The following KIAA0753 variants were observed in gnomAD, a reference collection of about 807,000 sequenced individuals.
KIAA0753 encodes the protein protein moonraker.
KIAA0753 carries 114 observed loss-of-function variants against 116.9 expected under a neutral mutation model. The ratio of observed to expected loss-of-function variants is 0.98; its 90% CI spans 0.84 to 1.14. The LOEUF is 1.14. KIAA0753 is among the 50% of genes most tolerant of loss of function. KIAA0753 has a pLI of 0.00. For missense variants in KIAA0753, 1,156 were observed against 1,172.4 expected, an observed-to-expected ratio of 0.99 and a Z score of 0.20; for synonymous variants, 405 against 413.1, an observed-to-expected ratio of 0.98 and a Z score of 0.24.
At chr17:6,587,169 T>C (rs1254370483) in intron 18 of KIAA0753, among the ~76,000 whole-genome samples, 1 of 151,850 alleles carries the variant, frequency 6.6e-6, no homozygotes, top group Admixed American at 6.6e-5. Context: ...GAGGCGGAGG[T>C]TGCAGTGAGC....
chr17:6,584,296 C>T (rs1459042128), intron 18 of KIAA0753, among the ~76,000 whole-genome samples: 1 of 152,230 alleles, frequency 6.6e-6, no homozygotes, highest in Non-Finnish European at 1.5e-5. Context: ...AGTTATTCTT[C>T]ATTACCTAGT....
At chr17:6,638,631 G>A in intron 1 of KIAA0753, 1 of 153,686 alleles carries the variant, frequency 6.5e-6, no homozygotes, top group Non-Finnish European at 1.4e-5. Flanking sequence ...TTTCCCACGG[G>A]CTCAGAACAT....
chr17:6,623,612 C>T (rs1402786974), intron 4 of KIAA0753, 41 bp from the exon 5 acceptor site: 2 of 1,582,048 alleles, frequency 1.3e-6, no homozygotes, highest in East Asian at 2.3e-5. Flanking sequence ...CATACCTTTC[C>T]ATTGATCTTT....
At chr17:6,599,211 G>A (rs1208493329) in intron 14 of KIAA0753, 26 bp downstream of exon 14, 1 of 1,532,700 alleles carries the variant, frequency 6.5e-7, no homozygotes, top group South Asian at 1.1e-5. Flanking sequence ...AATAATACCA[G>A]AATGCCAATA....
intron 16 of KIAA0753, among the ~76,000 whole-genome samples, chr17:6,591,040 G>GGAAGAAGAAGAAGAAGAA (rs71157205): frequency 7.0e-5 from 7 of 100,056 alleles, no homozygotes; most frequent in South Asian, 6.9e-4. Flanking sequence ...GAAGGAAGAA[G>GGAAGAAGAAGAAGAAGAA]GAAGAAGAAG....
At chr17:6,600,245 T>G (rs1969773884) in intron 13 of KIAA0753, 135 bp downstream of exon 13, 2 of 686,754 alleles carry the variant, frequency 2.9e-6, no homozygotes, top group South Asian at 1.7e-5. Context: ...CAGTAGTGTG[T>G]GGTGGTCTGG....
At position 6,612,038 on chromosome 17, in the gene KIAA0753, T is replaced by G. The variant is rs1970582415; in HGVS notation, c.1426A>C (p.Ser476Arg). 1.2e-6 allele frequency: 2 copies of G among 1,614,108 alleles called. No homozygotes were observed. Among genetic ancestry groups the G allele is most frequent in the Admixed American group, 3.3e-5 (2 of 60,006 alleles). Residue 476 changes from serine to arginine, a missense_variant, in exon 8 of 19, where the codon AGT (serine) becomes CGT (arginine). By Grantham distance (110) the Ser-to-Arg change is moderately radical (BLOSUM62 -1). Transcript: ENST00000361413. ...AACACCTCGTCTTTGAAGCTTGCACTTTGGTCTAGAATAAATGGTCCTTCT... is the reference window on the plus strand; with the variant it reads ...AACACCTCGTCTTTGAAGCTTGCACGTTGGTCTAGAATAAATGGTCCTTCT... ...LEEGPFILDQ[S>R]ASFKDEVLAV...
chr17:6,602,613 G>A (rs1417095288), intron 12 of KIAA0753, among the ~76,000 whole-genome samples: 1 of 152,178 alleles, frequency 6.6e-6, no homozygotes, highest in East Asian at 1.9e-4. Flanking sequence ...GAGGGATGGG[G>A]GTGTGGAGTA....
At chr17:6,595,126 TGTAAAA>T in intron 15 of KIAA0753, 73 bp from the exon 16 acceptor site, 1 of 1,086,502 alleles carries the variant, frequency 9.2e-7, no homozygotes. Flanking sequence ...CTGGTAAAGA[TGTAAAA>T]GTTCAGCAGA....
chr17:6,629,054 T>C (rs1971863991), intron 2 of KIAA0753, among the ~76,000 whole-genome samples: 1 of 152,252 alleles, frequency 6.6e-6, no homozygotes, highest in African/African-American at 2.4e-5. Flanking sequence ...TTCCCAGTTA[T>C]GGACTTCTGT....
intron 16 of KIAA0753, among the ~76,000 whole-genome samples, chr17:6,591,040 G>GGAGGAAGAAGAA (rs1968981511): frequency 4.0e-5 from 4 of 99,996 alleles, no homozygotes; most frequent in African/African-American, 1.5e-4. Context: ...GAAGGAAGAA[G>GGAGGAAGAAGAA]GAAGAAGAAG....
At chr17:6,625,000 A>G in intron 3 of KIAA0753, 139 bp from the exon 4 acceptor site, 2 of 623,448 alleles carry the variant, frequency 3.2e-6, no homozygotes, top group Non-Finnish European at 5.5e-6. Context: ...ATCATAACAG[A>G]AAATTTCATT....
Position 6,622,913 on chromosome 17 carries a change from T to C in KIAA0753, c.1073A>G (p.Asp358Gly), listed in dbSNP as rs1338815163. The change falls in exon 6 of 19, where the codon GAT (aspartate) becomes GGT (glycine). Residue 358 changes from aspartate to glycine, a missense_variant. Transcript: ENST00000361413. ...VKLDADPSVPDVVIDILQQIE... is the reference protein window; with the variant it reads ...VKLDADPSVPGVVIDILQQIE... The stretch of plus-strand genomic sequence containing the variant: ...TTGTTGCAGAATATCTATAACCACA[T>C]CAGGAACAGAAGGGTCTGCATCCAG... The C allele has an allele frequency of 1.9e-6, 3 of 1,614,078 alleles. No homozygotes were observed. The highest frequency in any genetic ancestry group is 2.5e-6 in the Non-Finnish European group (3 of 1,179,966).
At position 6,620,789 on chromosome 17, in the gene KIAA0753, G is replaced by C. The variant is rs767982404; in HGVS notation, c.1314C>G (p.Ala438=). 46 of 1,613,582 alleles carry C rather than the reference G, an allele frequency of 2.9e-5. No homozygotes were observed. Among genetic ancestry groups the C allele is most frequent in the Non-Finnish European group, 3.7e-5 (44 of 1,179,696 alleles). The change falls in exon 7 of 19, where the codon GCC becomes GCG. Residue 438 remains alanine, a splice_region_variant and synonymous_variant. Transcript: ENST00000361413. ...CAATAAACACTTTAAGACACATACC[G>C]GCAAGAAGCTGCTTTGCTACAGAAG... ...SRPSVAKQLL[A]DKYQPDTELP... is the part of the protein sequence containing the mutation.
chr17:6,635,418 CTT>C (rs547299167), intron 1 of KIAA0753: 15 of 190,966 alleles, frequency 7.9e-5, no homozygotes, highest in Non-Finnish European at 1.5e-4. Flanking sequence ...ATAATAATCT[CTT>C]GAGCCCTTTC....
In KIAA0753 at chr17:6,590,545, G is replaced by A. The variant is rs776574409; in HGVS notation, c.2526C>T (p.Ala842=). The A allele has an allele frequency of 1.1e-5, 18 of 1,613,882 alleles. No individual in the cohort carries two copies. Among genetic ancestry groups the A allele is most frequent in the African/African-American group, 4.0e-5 (3 of 74,886 alleles). Residue 842 remains alanine, a synonymous_variant, in exon 17 of 19, where the codon GCC becomes GCT. Coordinates refer to ENST00000361413, the MANE Select transcript of KIAA0753 (RefSeq NM_014804.3). The part of the protein sequence containing the change: ...ITKTVDRKDP[A]VNIMLERPCN... ...AGGGCCTTTCTAACATGATGTTCACGGCTGGATCCTTGCGATCCACTGTCT... is the reference window on the plus strand; with the variant it reads ...AGGGCCTTTCTAACATGATGTTCACAGCTGGATCCTTGCGATCCACTGTCT...
At position 6,578,832 on chromosome 17, in the gene KIAA0753, A is replaced by C. The variant is rs985917447; in HGVS notation, c.*915T>G. On this transcript the variant is annotated 3_prime_UTR_variant, in exon 19 of 19. Transcript: ENST00000361413. ...AACATGATCTGTAAGATGTTGGAGGACCAGGCTATGATGGTTCTTAAGTTT... is the reference window on the plus strand; with the variant it reads ...AACATGATCTGTAAGATGTTGGAGGCCCAGGCTATGATGGTTCTTAAGTTT... 2.0e-5 allele frequency: 3 copies of C among 152,210 alleles called. No homozygotes were observed. Among genetic ancestry groups the C allele is most frequent in the Non-Finnish European group, 4.4e-5 (3 of 68,054 alleles). The allele number at this position is 152,210 out of a possible 1,614,324, so 9.4% of individuals were successfully genotyped here. A position where few individuals can be genotyped will look rare whatever the true frequency, so the allele number is the denominator to read the frequency against.
chr17:6,612,270 G>A (rs1250617344), intron 7 of KIAA0753, 122 bp from the exon 8 acceptor site: 2 of 704,810 alleles, frequency 2.8e-6, no homozygotes, highest in Non-Finnish European at 4.7e-6. Flanking sequence ...AGAAGCAGAT[G>A]TTTTGTTGTC....
chr17:6,591,966 G>C (rs114648386), intron 16 of KIAA0753, among the ~76,000 whole-genome samples: 2,037 of 152,322 alleles, frequency 0.013, 32 homozygotes, highest in African/African-American at 0.046. Flanking sequence ...CAAATACCTC[G>C]AACACATGGT....
Sources: gnomAD v4.1 joint callset for allele counts (sites outside exome capture counted in the v4.1 genomes callset) on GRCh38, gnomAD v4.1.1 for gene constraint, MANE v1.5 for transcripts, NCBI Gene and HGNC (gene_info 2026-07-23, HGNC 2026-07-21) for gene names.